Variants in SETD2 observed in about 807,000 individuals in gnomAD.
The protein encoded by SETD2 is histone-lysine N-methyltransferase SETD2.
SETD2 carries 31 observed loss-of-function variants against 242.1 expected under a neutral mutation model. The ratio of observed to expected loss-of-function variants is 0.13; its 90% CI spans 0.10 to 0.17. SETD2 has a LOEUF of 0.17. Ranked by LOEUF, SETD2 falls within the 10% of genes least tolerant of loss-of-function variation. The pLI is 1.00. For synonymous variants in SETD2, 1,006 were observed against 1,066.5 expected, an observed-to-expected ratio of 0.94 and a Z score of 1.11; for missense variants, 2,481 against 3,046.3, an observed-to-expected ratio of 0.81 and a Z score of 4.37.
At chr3:47,082,394 T>G (rs1278510857) in intron 12 of SETD2, among the ~76,000 whole-genome samples, 1 of 152,194 alleles carries the variant, frequency 6.6e-6, no homozygotes, top group South Asian at 2.1e-4. Flanking sequence ...TAACTGAGCT[T>G]CTTTACAGGC....
rs2038088981 is a variant in SETD2, at chr3:47,018,744, A to T, written c.7432-1005T>A. 3.3e-5 allele frequency among the ~76,000 whole-genome samples: 5 copies of T among 152,212 alleles called. No homozygotes were observed. In the South Asian group the frequency reaches 1.0e-3, roughly 32 times the overall value. On this transcript the variant is annotated intron_variant, in intron 19 of 20. Transcript: ENST00000409792. ...TGCAATGGTTCCCGATAACCCACAGACACATAGTTCCTATATGAAGAAGAA... is the reference window on the plus strand; with the variant it reads ...TGCAATGGTTCCCGATAACCCACAGTCACATAGTTCCTATATGAAGAAGAA...
chr3:47,158,340 C>T (rs2044172275), intron 1 of SETD2, among the ~76,000 whole-genome samples: 1 of 152,082 alleles, frequency 6.6e-6, no homozygotes, highest in Admixed American at 6.6e-5. Context: ...CTGGAACTGT[C>T]CAGGTCCACT....
At chr3:47,043,368 C>T (rs1045771508) in intron 16 of SETD2, among the ~76,000 whole-genome samples, 8 of 152,118 alleles carry the variant, frequency 5.3e-5, no homozygotes, top group African/African-American at 1.7e-4. Context: ...AGAGGACACT[C>T]ACAGAGAAAA....
chr3:47,101,635 C>CGT, intron 7 of SETD2, 80 bp from the exon 8 acceptor site: 1 of 566,648 alleles, frequency 1.8e-6, no homozygotes, highest in African/African-American at 2.2e-5. Flanking sequence ...TGTGTGTGTG[C>CGT]GCATATATAA....
intron 12 of SETD2, chr3:47,081,072 T>C: frequency 1.0e-6 from 1 of 986,976 alleles, no homozygotes; most frequent in Non-Finnish European, 1.2e-6. Context: ...AGCTCCTTGC[T>C]GCCCTGAGAA....
chr3:47,074,843 T>C (rs1172269731), intron 12 of SETD2, among the ~76,000 whole-genome samples: 1 of 152,142 alleles, frequency 6.6e-6, no homozygotes, highest in African/African-American at 2.4e-5. Flanking sequence ...AGATTAAAAA[T>C]CTCTGCAGTA....
At chr3:47,157,472 T>C (rs1031305428) in intron 1 of SETD2, 3 of 455,968 alleles carry the variant, frequency 6.6e-6, no homozygotes, top group African/African-American at 4.0e-5. Context: ...TGCTGAAATA[T>C]TCTTTCCCAG....
At position 47,110,213 on chromosome 3, in the gene SETD2, T is replaced by C. The variant is rs990767704; in HGVS notation, c.4715+3663A>G. On this transcript the variant is annotated intron_variant, in intron 5 of 20. Transcript: ENST00000409792. ...TTTCATTTATACGAAATACCGAGAA[T>C]AGATCAACCCACAGAAACAGACAGC... 8.6e-5 allele frequency among the ~76,000 whole-genome samples: 13 copies of C among 151,978 alleles called. 1 individual carries two copies. The South Asian group carries it at 2.7e-3, about 32-fold the overall frequency.
In SETD2 at chr3:47,083,744, G is replaced by A. The variant is rs2041416319; in HGVS notation, c.6036C>T (p.Leu2012=). ...CCTTTAGGTCTTTCCAACTGTCCAG[G>A]AGTTTGGTGGCCAAATCACTTATAT... ...TVDISDLATK[L]LDSWKDLKEV... is the part of the protein sequence containing the mutation. Residue 2012 remains leucine (L), a synonymous_variant, in exon 12 of 21, where the codon CTC becomes CTT. Transcript: ENST00000409792. 6.2e-6 allele frequency: 10 copies of A among 1,612,850 alleles called. No homozygotes were observed. The highest frequency in any genetic ancestry group is 8.5e-6 in the Non-Finnish European group (10 of 1,179,472).
intron 13 of SETD2, among the ~76,000 whole-genome samples, chr3:47,066,247 T>C (rs1462464268): frequency 6.6e-6 from 1 of 152,204 alleles, no homozygotes. Flanking sequence ...ACATACATAA[T>C]ATGAGGAGTC....
chr3:47,041,265 T>C (rs1448599843), intron 17 of SETD2: 4 of 332,884 alleles, frequency 1.2e-5, no homozygotes, highest in African/African-American at 4.3e-5. Context: ...ATGTGCATGG[T>C]TGTGCTCCAA....
intron 5 of SETD2, among the ~76,000 whole-genome samples, chr3:47,108,765 A>C (rs2042539206): frequency 6.6e-6 from 1 of 152,190 alleles, no homozygotes; most frequent in Admixed American, 6.5e-5. Context: ...ATGTAGGAAG[A>C]GTGGCTAGAC....
intron 9 of SETD2, among the ~76,000 whole-genome samples, chr3:47,093,522 G>T (rs1352821584): frequency 6.6e-6 from 1 of 152,084 alleles, no homozygotes; most frequent in African/African-American, 2.4e-5. Context: ...GACCTCAGGT[G>T]ATCTGCCCAC....
At chr3:47,069,659 T>C (rs964958542) in intron 12 of SETD2, among the ~76,000 whole-genome samples, 1 of 152,206 alleles carries the variant, frequency 6.6e-6, no homozygotes, top group African/African-American at 2.4e-5. Flanking sequence ...GGCTCTCTTT[T>C]CTCTTGATCT....
chr3:47,023,863 T>C (rs1373359624), intron 18 of SETD2, among the ~76,000 whole-genome samples: 1 of 152,148 alleles, frequency 6.6e-6, no homozygotes, highest in Non-Finnish European at 1.5e-5. Context: ...TCTTTAGACT[T>C]TGGCATCCAT....
At chr3:47,107,165 CTAT>C (rs1211517879) in intron 5 of SETD2, among the ~76,000 whole-genome samples, 1 of 152,134 alleles carries the variant, frequency 6.6e-6, no homozygotes, top group African/African-American at 2.4e-5. Flanking sequence ...AAATGTTATA[CTAT>C]GTTTTACTCT....
At chr3:47,053,396 A>C (rs1490210121) in intron 15 of SETD2, among the ~76,000 whole-genome samples, 1 of 152,218 alleles carries the variant, frequency 6.6e-6, no homozygotes, top group Non-Finnish European at 1.5e-5. Context: ...CTTTTGCACC[A>C]ACCTAAAATG....
At chr3:47,088,339 T>C (rs2107652593) in intron 9 of SETD2, 92 bp from the exon 10 acceptor site, 4 of 1,313,718 alleles carry the variant, frequency 3.0e-6, no homozygotes, top group Non-Finnish European at 4.2e-6. Context: ...TTATCAATTA[T>C]CAGGAAAACA....
Position 47,123,775 on chromosome 3 carries a change from C to T in SETD2, c.861G>A (p.Gly287=), listed in dbSNP as rs2106711988. The change falls in exon 3 of 21, where the codon GGG becomes GGA. Residue 287 remains glycine (G), a synonymous_variant. Coordinates refer to ENST00000409792, the MANE Select transcript of SETD2 (RefSeq NM_014159.7). ...AACTATCTGGAATTTCTTCATCCTT[C>T]CCAATATGGGAATCTTCTTTTTTTG... The part of the protein sequence containing the change: ...ISSKKEDSHI[G]KDEEIPDSSK... 4 of 1,548,028 alleles carry T rather than the reference C, an allele frequency of 2.6e-6. No homozygotes were observed. Among genetic ancestry groups the T allele is most frequent in the Non-Finnish European group, 3.5e-6 (4 of 1,145,778 alleles).
Sources: allele counts gnomAD v4.1 joint callset (sites outside exome capture counted in the v4.1 genomes callset), GRCh38; gene constraint gnomAD v4.1.1; transcripts MANE v1.5; gene names NCBI Gene and HGNC (gene_info 2026-07-23, HGNC 2026-07-21).